The following FNDC1 variants were observed in gnomAD, a reference collection of about 807,000 sequenced individuals.
FNDC1 encodes the protein fibronectin type III domain-containing protein 1.
A neutral mutation model predicts 168.0 loss-of-function variants in FNDC1; 96 were observed. That is an observed-to-expected ratio of 0.57 (90% CI 0.48 to 0.68). The LOEUF is 0.68. FNDC1 is among the 30% of genes least tolerant of loss of function. The pLI is 0.00. For missense variants in FNDC1, 2,587 were observed against 2,482.1 expected, an observed-to-expected ratio of 1.04 and a Z score of -0.90; for synonymous variants, 1,099 against 1,025.9, an observed-to-expected ratio of 1.07 and a Z score of -1.36.
Position 159,232,489 on chromosome 6 carries a change from C to A in FNDC1, c.1977C>A (p.Pro659=), listed in dbSNP as rs747855499. Residue 659 remains proline, a synonymous_variant, in exon 11 of 23, where the codon CCC becomes CCA. Transcript: ENST00000297267. The surrounding 1 kb of genome is among the most constrained non-coding windows in gnomAD (Gnocchi z 4.9). ...EDERAVGSLH[P]KGAFAQPRPA... Reference sequence around the variant, plus strand: ...AGCGCGCTGTGGGCTCCCTCCACCCCAAGGGCGCCTTCGCCCAGCCCCGGC... The same window carrying A: ...AGCGCGCTGTGGGCTCCCTCCACCCAAAGGGCGCCTTCGCCCAGCCCCGGC... 1 of 1,612,390 alleles carries A rather than the reference C, an allele frequency of 6.2e-7. No homozygotes were observed. Among genetic ancestry groups the A allele is most frequent in the East Asian group, 2.2e-5 (1 of 44,852 alleles).
At chr6:159,257,196 A>G (rs923677223) in intron 18 of FNDC1, among the ~76,000 whole-genome samples, 6 of 152,204 alleles carry the variant, frequency 3.9e-5, no homozygotes, top group Admixed American at 3.9e-4. Context: ...GCACAAAGAC[A>G]GTGACTGTTC....
chr6:159,179,718 C>G (rs1011391333), intron 1 of FNDC1, among the ~76,000 whole-genome samples: 4 of 152,180 alleles, frequency 2.6e-5, no homozygotes, highest in Admixed American at 6.5e-5. Context: ...GAGGGCAGGA[C>G]ATTGTGTTGG....
At chr6:159,245,742 A>ATTTTTT (rs531544658) in intron 14 of FNDC1, among the ~76,000 whole-genome samples, 1 of 19,776 alleles carries the variant, frequency 5.1e-5, no homozygotes, top group Non-Finnish European at 1.0e-4. Flanking sequence ...CATTATGGTA[A>ATTTTTT]TTTTTTTTTT....
intron 17 of FNDC1, among the ~76,000 whole-genome samples, chr6:159,255,364 G>A (rs1276072384): frequency 6.6e-6 from 1 of 152,072 alleles, no homozygotes; most frequent in Non-Finnish European, 1.5e-5. Context: ...TCCTTCAGAT[G>A]TCAACTCCTT....
chr6:159,224,557 C>T (rs573554446), intron 7 of FNDC1, among the ~76,000 whole-genome samples: 66 of 152,020 alleles, frequency 4.3e-4, no homozygotes, highest in African/African-American at 1.4e-3. Flanking sequence ...AAGATAGCTG[C>T]TTTTTTTTGA....
At chr6:159,225,900 T>A (rs1452845465) in intron 8 of FNDC1, among the ~76,000 whole-genome samples, 178 bp downstream of exon 8, 4 of 152,206 alleles carry the variant, frequency 2.6e-5, no homozygotes, top group African/African-American at 9.6e-5. Flanking sequence ...TAAGGAACTG[T>A]TTTTTGGGTC....
At chr6:159,269,261 T>TATCTA in intron 22 of FNDC1, among the ~76,000 whole-genome samples, 2 of 79,726 alleles carry the variant, frequency 2.5e-5, no homozygotes, top group East Asian at 5.1e-4. Flanking sequence ...ATCTATCATC[T>TATCTA]ATCTATCTAT....
chr6:159,267,950 T>C, intron 22 of FNDC1, 24 bp downstream of exon 22: 1 of 1,597,632 alleles, frequency 6.3e-7, no homozygotes, highest in Non-Finnish European at 8.5e-7. Context: ...ATGCCTGATA[T>C]ATTATCCTAG....
At chr6:159,170,698 G>T (rs375614249) in intron 1 of FNDC1, among the ~76,000 whole-genome samples, 10 of 152,300 alleles carry the variant, frequency 6.6e-5, no homozygotes, top group African/African-American at 2.4e-4. Context: ...AGGAAGAAAA[G>T]TTGGGGATCA....
chr6:159,173,087 C>T (rs1781693306), intron 1 of FNDC1, among the ~76,000 whole-genome samples: 1 of 152,132 alleles, frequency 6.6e-6, no homozygotes, highest in South Asian at 2.1e-4. Context: ...CCAGTAAAGT[C>T]AATAAGGATA....
chr6:159,214,910 C>T (rs754858785), intron 4 of FNDC1, 35 bp from the exon 5 acceptor site: 19 of 1,598,416 alleles, frequency 1.2e-5, no homozygotes, highest in Non-Finnish European at 1.5e-5. Context: ...AAGTGGTCTA[C>T]TGTCTAACCA....
intron 1 of FNDC1, among the ~76,000 whole-genome samples, chr6:159,177,140 A>G (rs1421229358): frequency 2.0e-5 from 3 of 152,148 alleles, no homozygotes; most frequent in African/African-American, 4.8e-5. Flanking sequence ...GTGGTTCCCA[A>G]GGAAAGACCC....
chr6:159,199,706 G>T (rs927995139), intron 2 of FNDC1, among the ~76,000 whole-genome samples: 4 of 152,122 alleles, frequency 2.6e-5, no homozygotes, highest in Non-Finnish European at 5.9e-5. Flanking sequence ...ACCTTCAAAA[G>T]CTCTTTTTGT....
chr6:159,245,742 ATTTTTT>A (rs531544658), intron 14 of FNDC1, among the ~76,000 whole-genome samples: 1 of 19,772 alleles, frequency 5.1e-5, no homozygotes, highest in Non-Finnish European at 1.0e-4. Context: ...CATTATGGTA[ATTTTTT>A]TTTTTTTTTT....
At chr6:159,193,267 C>G (rs184050904) in intron 1 of FNDC1, among the ~76,000 whole-genome samples, 1 of 152,130 alleles carries the variant, frequency 6.6e-6, no homozygotes, top group Admixed American at 6.5e-5. Context: ...AGCCTGGACA[C>G]CTTTTGTCTG....
Position 159,233,181 on chromosome 6 carries a change from T to C in FNDC1, c.2669T>C (p.Val890Ala), listed in dbSNP as rs375656350. 4 of 1,611,072 alleles carry C rather than the reference T, an allele frequency of 2.5e-6. No individual in the cohort carries two copies. The African/African-American group carries it at 5.3e-5, about 22-fold the overall frequency. Residue 890 changes from valine (V) to alanine (A), a missense_variant, in exon 11 of 23, where the codon GTC (valine) becomes GCC (alanine). Val to Ala is a moderately conservative substitution (Grantham distance 64). Transcript: ENST00000297267. This position sits in a 1 kb window ranked among gnomAD's most constrained non-coding sequence, Gnocchi z 4.6. ...EDEKPLPATV[V>A]NDHVPSSSRQ... ...GAGAAGCCGCTTCCTGCCACCGTTG[T>C]CAATGACCACGTGCCTTCCTCCTCC...
At chr6:159,231,070 A>G (rs1783072384) in intron 10 of FNDC1, among the ~76,000 whole-genome samples, 1 of 152,174 alleles carries the variant, frequency 6.6e-6, no homozygotes. Context: ...AAATTTTTGT[A>G]CTGCCTTAAA....
At chr6:159,199,960 C>A in intron 2 of FNDC1, 36 bp from the exon 3 acceptor site, 1 of 1,537,392 alleles carries the variant, frequency 6.5e-7, no homozygotes, top group South Asian at 1.2e-5. Flanking sequence ...TCTTGGAGAT[C>A]TGAATTGGTG....
At position 159,233,943 on chromosome 6, in the gene FNDC1, C is replaced by G; in HGVS notation, c.3431C>G (p.Pro1144Arg). The change falls in exon 11 of 23, where the codon CCC becomes CGC. Residue 1144 changes from proline to arginine, a missense_variant. Transcript: ENST00000297267. This position sits in a 1 kb window ranked among gnomAD's most constrained non-coding sequence, Gnocchi z 4.6. ...SPARPSRPGG[P>R]QSRARVPSRA... Reference sequence around the variant, plus strand: ...GCCAGGCCCAGCCGACCCGGCGGCCCCCAGTCCCGCGCCCGGGTACCCAGC... The same window carrying G: ...GCCAGGCCCAGCCGACCCGGCGGCCGCCAGTCCCGCGCCCGGGTACCCAGC... 6.4e-7 allele frequency: 1 copy of G among 1,563,768 alleles called. No homozygotes were observed.
Sources: gnomAD v4.1 joint callset for allele counts (sites outside exome capture counted in the v4.1 genomes callset) on GRCh38, gnomAD v4.1.1 for gene constraint, Gnocchi (gnomAD v3.1) non-coding constraint, MANE v1.5 for transcripts, NCBI Gene and HGNC (gene_info 2026-07-23, HGNC 2026-07-21) for gene names.